ZBTB20: variants seen among roughly 807,000 people sequenced by gnomAD.
ZBTB20 encodes the protein zinc finger and BTB domain containing 20.
Under a neutral mutation model 56.9 loss-of-function variants are expected in ZBTB20, and 9 were observed. The observed-to-expected ratio is 0.16, with a 90% CI of 0.10 to 0.28. The LOEUF (loss-of-function observed/expected upper bound fraction) is 0.28, where lower values mean the gene tolerates loss of function less well. ZBTB20 is among the 10% of genes least tolerant of loss of function. The pLI is 1.00. For synonymous variants in ZBTB20, 417 were observed against 420.7 expected, an observed-to-expected ratio of 0.99 and a Z score of 0.11; for missense variants, 655 against 1,003.0, an observed-to-expected ratio of 0.65 and a Z score of 4.69.
At chr3:115,146,744 G>A (rs1366244637) in intron 1 of ZBTB20, among the ~76,000 whole-genome samples, 1 of 152,182 alleles carries the variant, frequency 6.6e-6, no homozygotes, top group African/African-American at 2.4e-5. Flanking sequence ...GAGGGAGGGG[G>A]CAGAAGACAA....
At chr3:114,997,458 C>T (rs2079073289) in intron 2 of ZBTB20, among the ~76,000 whole-genome samples, 3 of 151,514 alleles carry the variant, frequency 2.0e-5, no homozygotes, top group Admixed American at 6.6e-5. Context: ...CCAAATAATA[C>T]ATGAAAAGTC....
intron 2 of ZBTB20, among the ~76,000 whole-genome samples, chr3:115,010,817 T>C (rs2108260461): frequency 6.6e-6 from 1 of 152,026 alleles, no homozygotes; most frequent in African/African-American, 2.4e-5. Flanking sequence ...CAGGGACCAA[T>C]GCTGGAGAAG....
rs1000893759 is a variant in ZBTB20 at position 114,330,456 on chromosome 3, T to C, written c.*8549A>G. ...TTCAGAAATACTGCAATGTAGTGTA[T>C]TGTAGTTAAGTAAGCATACCTAAAT... On this transcript the variant is annotated 3_prime_UTR_variant, in exon 12 of 12. Transcript: ENST00000675478. 6.6e-6 allele frequency: 1 copy of C among 152,212 alleles called. No individual in the cohort carries two copies. 9.4% of individuals were successfully genotyped at this position (152,212 alleles called of 1,614,324 possible).
At chr3:114,422,507 G>A (rs77244836) in intron 7 of ZBTB20, among the ~76,000 whole-genome samples, 2,233 of 152,204 alleles carry the variant, frequency 0.015, 25 homozygotes, top group Non-Finnish European at 0.025. Context: ...GCATACCACT[G>A]TCAGAAAATA....
chr3:114,966,400 T>C (rs1283233110), intron 3 of ZBTB20, among the ~76,000 whole-genome samples: 1 of 152,142 alleles, frequency 6.6e-6, no homozygotes, highest in Non-Finnish European at 1.5e-5. Flanking sequence ...AGTTTTAATA[T>C]TTTCTAAATA....
chr3:114,472,945 C>T (rs1416937076), intron 7 of ZBTB20, among the ~76,000 whole-genome samples: 1 of 152,176 alleles, frequency 6.6e-6, no homozygotes, highest in East Asian at 1.9e-4. Flanking sequence ...GGACTGGAAT[C>T]TCAACTGGCT....
At chr3:114,616,354 G>T (rs1435611874) in intron 6 of ZBTB20, among the ~76,000 whole-genome samples, 2 of 152,124 alleles carry the variant, frequency 1.3e-5, no homozygotes, top group Non-Finnish European at 1.5e-5. Flanking sequence ...TAAATATTTT[G>T]CACGATTTTC....
chr3:115,119,517 T>A (rs557689416), intron 1 of ZBTB20, among the ~76,000 whole-genome samples: 1 of 152,234 alleles, frequency 6.6e-6, no homozygotes, highest in Non-Finnish European at 1.5e-5. Flanking sequence ...TAATATATCT[T>A]ATAGATGAGA....
At chr3:114,472,248 A>G (rs1253056105) in intron 7 of ZBTB20, among the ~76,000 whole-genome samples, 1 of 152,200 alleles carries the variant, frequency 6.6e-6, no homozygotes, top group Non-Finnish European at 1.5e-5. Flanking sequence ...ATACTTGTTG[A>G]GCAAAATGGG....
chr3:114,977,497 T>C (rs1397646757), intron 2 of ZBTB20, among the ~76,000 whole-genome samples: 2 of 152,148 alleles, frequency 1.3e-5, no homozygotes, highest in South Asian at 2.1e-4. Context: ...TTGGAAGAGA[T>C]AGATCAGTAG....
At chr3:114,342,057 T>C (rs1027811010) in intron 11 of ZBTB20, among the ~76,000 whole-genome samples, 2 of 152,220 alleles carry the variant, frequency 1.3e-5, no homozygotes, top group Non-Finnish European at 1.5e-5. Flanking sequence ...TCTATAATTA[T>C]TAAGGTGCTG....
chr3:114,547,979 A>G (rs1322868157), intron 6 of ZBTB20, among the ~76,000 whole-genome samples: 1 of 152,120 alleles, frequency 6.6e-6, no homozygotes, highest in East Asian at 1.9e-4. Context: ...AAAATCAATA[A>G]TTTTTCTTAG....
intron 1 of ZBTB20, among the ~76,000 whole-genome samples, chr3:115,073,754 C>T (rs1252367740): frequency 6.6e-6 from 1 of 151,426 alleles, no homozygotes; most frequent in Non-Finnish European, 1.5e-5. Context: ...TAAAAATTAA[C>T]CGTATACAAT....
chr3:115,077,198 A>G (rs1189680746), intron 1 of ZBTB20, among the ~76,000 whole-genome samples: 1 of 152,218 alleles, frequency 6.6e-6, no homozygotes, highest in African/African-American at 2.4e-5. Flanking sequence ...AAAAGAAAAA[A>G]AAAACTAATA....
chr3:114,735,368 T>C (rs2108563720), intron 5 of ZBTB20, among the ~76,000 whole-genome samples: 1 of 152,252 alleles, frequency 6.6e-6, no homozygotes, highest in East Asian at 1.9e-4. Context: ...CTCAAGGCAG[T>C]ATGAATCTCA....
chr3:115,025,685 C>T (rs1228588276), intron 2 of ZBTB20, among the ~76,000 whole-genome samples: 1 of 150,512 alleles, frequency 6.6e-6, no homozygotes. Flanking sequence ...ACCTGGGATT[C>T]CTCCCCTGTA....
Position 114,339,190 on chromosome 3 carries a change from C to G in ZBTB20, c.2041G>C (p.Val681Leu), listed in dbSNP as rs149518419. 6.2e-7 allele frequency: 1 copy of G among 1,614,106 alleles called. No individual in the cohort carries two copies. The highest frequency in any genetic ancestry group is 1.3e-5 in the African/African-American group (1 of 74,946). Residue 681 changes from valine to leucine, a missense_variant, in exon 12 of 12, where the codon GTG (valine) becomes CTG (leucine). Physicochemically the swap from Val to Leu is conservative, Grantham distance 32 (BLOSUM62 1). Around this residue, in one of 10 missense-constraint regions of ZBTB20, gnomAD observed 15 missense variants for 35.8 expected, o/e 0.42. Transcript: ENST00000675478. This position sits in a 1 kb window ranked among gnomAD's most constrained non-coding sequence, Gnocchi z 4.2. ...CCATTGCTGGCACTGTGCAGGGCCA[C>G]GTGTCGCTCCAGGAGGGTCTTGTGA... ...FSHKTLLERH[V>L]ALHSASNGTP...
At chr3:114,950,940 A>G (rs1440233724) in intron 3 of ZBTB20, among the ~76,000 whole-genome samples, 2 of 152,202 alleles carry the variant, frequency 1.3e-5, no homozygotes, top group African/African-American at 4.8e-5. Flanking sequence ...AGCCACATAC[A>G]GAAGAATATA....
At chr3:114,511,473 A>T (rs979460441) in intron 6 of ZBTB20, among the ~76,000 whole-genome samples, 1 of 151,392 alleles carries the variant, frequency 6.6e-6, no homozygotes, top group Non-Finnish European at 1.5e-5. Flanking sequence ...GATTTCTCTC[A>T]TTCTTACAAG....
Sources: allele counts gnomAD v4.1 joint callset (sites outside exome capture counted in the v4.1 genomes callset), GRCh38; gene constraint gnomAD v4.1.1; regional missense constraint gnomAD v4.1.1; non-coding constraint Gnocchi (gnomAD v3.1); transcripts MANE v1.5; gene names NCBI Gene and HGNC (gene_info 2026-07-23, HGNC 2026-07-21).